The following LDLRAD4 variants were observed in gnomAD, a reference collection of about 807,000 sequenced individuals.
LDLRAD4 encodes the protein low density lipoprotein receptor class A domain containing 4.
A neutral mutation model predicts 17.0 loss-of-function variants in LDLRAD4; 5 were observed. That is an observed-to-expected ratio of 0.29 (90% CI 0.15 to 0.62). The LOEUF (loss-of-function observed/expected upper bound fraction) is 0.62, where lower values mean the gene tolerates loss of function less well. LDLRAD4 is among the 20% of genes least tolerant of loss of function. The pLI, the probability that LDLRAD4 is intolerant of heterozygous loss-of-function variation, is 0.84. For synonymous variants in LDLRAD4, 168 were observed against 171.8 expected, an observed-to-expected ratio of 0.98 and a Z score of 0.17; for missense variants, 340 against 424.7, an observed-to-expected ratio of 0.80 and a Z score of 1.75.
At chr18:13,593,410 T>C (rs74811380) in intron 3 of LDLRAD4, among the ~76,000 whole-genome samples, 1 of 141,166 alleles carries the variant, frequency 7.1e-6, no homozygotes, top group African/African-American at 2.5e-5. Context: ...CTTCCTGTCC[T>C]TTCCTCGCGA....
chr18:13,623,834 G>T (rs1004179262), intron 4 of LDLRAD4, among the ~76,000 whole-genome samples: 1 of 152,120 alleles, frequency 6.6e-6, no homozygotes, highest in Non-Finnish European at 1.5e-5. Context: ...ATGCCCCCAC[G>T]CAGCCAGGCT....
chr18:13,279,409 C>T (rs1482591837), intron 1 of LDLRAD4: 1 of 152,166 alleles, frequency 6.6e-6, no homozygotes, highest in African/African-American at 2.4e-5. Context: ...CTGACAAAAG[C>T]GTGGGTGCAG....
At chr18:13,279,204 C>T (rs1422985262) in intron 1 of LDLRAD4, among the ~76,000 whole-genome samples, 1 of 152,192 alleles carries the variant, frequency 6.6e-6, no homozygotes, top group Non-Finnish European at 1.5e-5. Context: ...AGACCGCACG[C>T]CTTGTGGATG....
At chr18:13,588,525 G>A (rs2094964611) in intron 3 of LDLRAD4, among the ~76,000 whole-genome samples, 1 of 151,876 alleles carries the variant, frequency 6.6e-6, no homozygotes, top group African/African-American at 2.4e-5. Context: ...TGATCAAAAC[G>A]ATTCATTATT....
intron 3 of LDLRAD4, among the ~76,000 whole-genome samples, chr18:13,501,515 C>T (rs1406315233): frequency 3.3e-5 from 5 of 152,110 alleles, no homozygotes; most frequent in Admixed American, 3.3e-4. Context: ...GTCTGGGTCT[C>T]ACCCTTAATT....
chr18:13,517,415 G>A (rs561448472), intron 3 of LDLRAD4, among the ~76,000 whole-genome samples: 35 of 152,230 alleles, frequency 2.3e-4, no homozygotes, highest in Non-Finnish European at 8.8e-5. Context: ...ACAAGGTCCC[G>A]AGGAACCAGA....
chr18:13,515,298 G>A (rs1682500815), intron 3 of LDLRAD4: 2 of 152,232 alleles, frequency 1.3e-5, no homozygotes, highest in Admixed American at 1.3e-4. Context: ...GGGAAGGAAG[G>A]ATGAGTATTT....
At chr18:13,324,440 C>T (rs916665506) in intron 1 of LDLRAD4, among the ~76,000 whole-genome samples, 1 of 152,174 alleles carries the variant, frequency 6.6e-6, no homozygotes, top group Non-Finnish European at 1.5e-5. Context: ...CCGCGCCTGG[C>T]CTCAAGTGTC....
intron 1 of LDLRAD4, among the ~76,000 whole-genome samples, chr18:13,331,590 CATG>C (rs1483444822): frequency 6.6e-6 from 1 of 152,186 alleles, no homozygotes; most frequent in Admixed American, 6.5e-5. Context: ...GTTTATTAAA[CATG>C]ATCAGTGTAA....
chr18:13,222,736 C>G (rs1211446383), intron 1 of LDLRAD4, among the ~76,000 whole-genome samples: 1 of 152,200 alleles, frequency 6.6e-6, no homozygotes, highest in African/African-American at 2.4e-5. Context: ...AACTCTGTGT[C>G]CTTTATTTTG....
intron 3 of LDLRAD4, among the ~76,000 whole-genome samples, chr18:13,541,463 G>A (rs1308173649): frequency 5.9e-5 from 9 of 152,208 alleles, no homozygotes; most frequent in African/African-American, 2.2e-4. Context: ...TGTGTGTACC[G>A]AGATTACTGG....
intron 1 of LDLRAD4, among the ~76,000 whole-genome samples, chr18:13,298,612 G>A (rs2046409754): frequency 6.6e-6 from 1 of 151,582 alleles, no homozygotes. Flanking sequence ...TGGGCATGGT[G>A]ATGGAGCTGC....
intron 1 of LDLRAD4, among the ~76,000 whole-genome samples, chr18:13,297,062 C>T (rs781080693): frequency 3.3e-5 from 5 of 152,198 alleles, no homozygotes; most frequent in African/African-American, 9.7e-5. Context: ...TTCATGAGAG[C>T]GCCTGGCCTT....
chr18:13,268,511 A>G (rs143341951), intron 1 of LDLRAD4, among the ~76,000 whole-genome samples: 25 of 152,310 alleles, frequency 1.6e-4, no homozygotes, highest in African/African-American at 5.8e-4. Flanking sequence ...GCTGCCCTTT[A>G]GCTGTTCCCT....
Position 13,622,090 on chromosome 18 carries a change from G to C in LDLRAD4, c.336+819G>C, listed in dbSNP as rs1232595852. ...ACAGTGTGGAGCCCTGCGGTATGCT[G>C]AGCACAGGAGCCGGTCCTTACGGAG... On this transcript the variant is annotated intron_variant, in intron 4 of 5. Coordinates refer to ENST00000359446, the Ensembl canonical transcript of LDLRAD4. The surrounding 1 kb of genome is among the most constrained non-coding windows in gnomAD (Gnocchi z 5.3). Among the ~76,000 whole-genome samples the C allele has an allele frequency of 6.6e-6, 1 of 152,192 alleles. No individual in the cohort carries two copies. The highest frequency in any genetic ancestry group is 1.5e-5 in the Non-Finnish European group (1 of 68,028).
chr18:13,379,956 G>C (rs2085213652), intron 1 of LDLRAD4, among the ~76,000 whole-genome samples: 1 of 110,582 alleles, frequency 9.0e-6, no homozygotes, highest in Non-Finnish European at 2.0e-5. Context: ...GTGGAGGATT[G>C]CAGAGGCCTG....
At chr18:13,589,197 G>A (rs891188287) in intron 3 of LDLRAD4, among the ~76,000 whole-genome samples, 4 of 152,174 alleles carry the variant, frequency 2.6e-5, no homozygotes, top group African/African-American at 9.7e-5. Flanking sequence ...GCCTCCTGAA[G>A]TGCTGGAATT....
At chr18:13,543,596 C>G (rs1462404561) in intron 3 of LDLRAD4, 1 of 152,246 alleles carries the variant, frequency 6.6e-6, no homozygotes, top group Non-Finnish European at 1.5e-5. Flanking sequence ...AAATTAACAT[C>G]TCATCTATTA....
At chr18:13,256,234 T>C (rs1368134683) in intron 1 of LDLRAD4, among the ~76,000 whole-genome samples, 1 of 152,200 alleles carries the variant, frequency 6.6e-6, no homozygotes, top group Non-Finnish European at 1.5e-5. Flanking sequence ...GCCCTGGATG[T>C]AGGGGGAGGC....
Sources: gnomAD v4.1 joint callset for allele counts (sites outside exome capture counted in the v4.1 genomes callset) on GRCh38, gnomAD v4.1.1 for gene constraint, Gnocchi (gnomAD v3.1) non-coding constraint, MANE v1.5 for transcripts, NCBI Gene and HGNC (gene_info 2026-07-23, HGNC 2026-07-21) for gene names.